Variants in WWP2 observed in about 807,000 individuals in gnomAD.
The protein encoded by WWP2 is NEDD4-like E3 ubiquitin-protein ligase WWP2.
WWP2 carries 57 observed loss-of-function variants against 121.0 expected under a neutral mutation model. The observed-to-expected ratio is 0.47, with a 90% CI of 0.38 to 0.59. The LOEUF (loss-of-function observed/expected upper bound fraction) is 0.59. Ranked by LOEUF, WWP2 falls within the 20% of genes least tolerant of loss-of-function variation. The pLI is 0.00. For synonymous variants in WWP2, 449 were observed against 441.3 expected (o/e 1.02, Z -0.22); for missense variants, 962 against 1,158.9 (o/e 0.83, Z 2.47).
rs116632810 is a variant in WWP2, at chr16:69,857,240, C to T, written c.576-14564C>T. On this transcript the variant is annotated intron_variant, in intron 6 of 23. Coordinates refer to ENST00000359154, the MANE Select transcript of WWP2 (RefSeq NM_001270454.2). ...TGCCTCAGCCTCCCGAGTAGCTGGG[C>T]GCGCTCCACCACGCTCAGCTAGTTT... Among the ~76,000 whole-genome samples the T allele has an allele frequency of 9.4e-3, 1,434 of 151,922 alleles. 19 individuals carry two copies. Among genetic ancestry groups the T allele is most frequent in the African/African-American group, 0.032 (1,342 of 41,440 alleles).
At chr16:69,892,425 T>C (rs2058043219) in intron 8 of WWP2, among the ~76,000 whole-genome samples, 1 of 151,726 alleles carries the variant, frequency 6.6e-6, no homozygotes, top group East Asian at 2.0e-4. Context: ...AATGATTCTC[T>C]TAAACAACTC....
intron 12 of WWP2, 64 bp from the exon 13 acceptor site, chr16:69,930,066 C>A: frequency 6.2e-7 from 1 of 1,606,774 alleles, no homozygotes; most frequent in South Asian, 1.1e-5. Context: ...GAGGACCCAG[C>A]CTCCAACCAC....
intron 4 of WWP2, among the ~76,000 whole-genome samples, chr16:69,819,826 G>A (rs888814168): frequency 6.6e-6 from 1 of 152,028 alleles, no homozygotes; most frequent in Non-Finnish European, 1.5e-5. Context: ...TTTTTCAATC[G>A]CCCCAGTGAG....
At chr16:69,862,756 A>G (rs985089412) in intron 6 of WWP2, among the ~76,000 whole-genome samples, 5 of 102,052 alleles carry the variant, frequency 4.9e-5, no homozygotes, top group African/African-American at 2.1e-4. Flanking sequence ...CTCTTGCTCT[A>G]TTGCCCAGGA....
intron 1 of WWP2, among the ~76,000 whole-genome samples, chr16:69,780,743 C>G (rs1312876297): frequency 6.6e-6 from 1 of 152,120 alleles, no homozygotes; most frequent in African/African-American, 2.4e-5. Context: ...ATGGCTCATG[C>G]CTGTAATCCC....
chr16:69,842,861 G>A (rs2057004433), intron 6 of WWP2, among the ~76,000 whole-genome samples: 1 of 152,030 alleles, frequency 6.6e-6, no homozygotes, highest in African/African-American at 2.4e-5. Context: ...TAGAGATAGG[G>A]TTTTACCATG....
intron 9 of WWP2, among the ~76,000 whole-genome samples, chr16:69,910,651 C>CAAT (rs1479707957): frequency 1.3e-5 from 2 of 152,150 alleles, no homozygotes; most frequent in Non-Finnish European, 2.9e-5. Context: ...CCTTGTGATT[C>CAAT]GCCTGCCTTT....
intron 4 of WWP2, among the ~76,000 whole-genome samples, chr16:69,802,909 A>T (rs765703845): frequency 3.3e-5 from 5 of 152,032 alleles, no homozygotes; most frequent in Non-Finnish European, 5.9e-5. Context: ...CTGGCCCAAG[A>T]TATCTTATTA....
chr16:69,938,109 G>T (rs145460972), intron 21 of WWP2, among the ~76,000 whole-genome samples: 1 of 152,146 alleles, frequency 6.6e-6, no homozygotes, highest in Non-Finnish European at 1.5e-5. Context: ...CTTAGTACAT[G>T]TCTGTGTGCA....
At chr16:69,902,567 C>T (rs1441219304) in intron 8 of WWP2, among the ~76,000 whole-genome samples, 1 of 152,106 alleles carries the variant, frequency 6.6e-6, no homozygotes, top group East Asian at 1.9e-4. Flanking sequence ...AGAGCATCAA[C>T]GGAAGCTATC....
Position 69,939,851 on chromosome 16 carries a change from C to T in WWP2, c.2524C>T (p.Leu842=), listed in dbSNP as rs1336734238. The T allele has an allele frequency of 1.2e-6, 2 of 1,613,850 alleles. No individual in the cohort carries two copies. Among genetic ancestry groups the T allele is most frequent in the Non-Finnish European group, 1.7e-6 (2 of 1,179,880 alleles). Residue 842 remains leucine (L), a synonymous_variant, in exon 24 of 24, where the codon CTG becomes TTG. Coordinates refer to ENST00000359154, the MANE Select transcript of WWP2 (RefSeq NM_001270454.2). ...LPRSHTCFNR[L]DLPPYKSYEQ... ...CCCCACTCTCAATAGCTTCAACCGT[C>T]TGGATCTTCCACCCTACAAGAGCTA...
At chr16:69,840,390 G>GCTA in intron 5 of WWP2, 127 bp downstream of exon 5, 1 of 1,302,662 alleles carries the variant, frequency 7.7e-7, no homozygotes, top group Non-Finnish European at 1.1e-6. Flanking sequence ...CTGGCCCATA[G>GCTA]CTAGCCCGGA....
chr16:69,931,897 T>A lies in WWP2; in HGVS notation c.1682+7T>A. 1 of 1,611,844 alleles carries A rather than the reference T, an allele frequency of 6.2e-7. No individual in the cohort carries two copies. The highest frequency in any genetic ancestry group is 8.5e-7 in the Non-Finnish European group (1 of 1,179,316). Reference sequence around the variant, plus strand: ...ACTATGGGGGCATCGCCAGGTGAGCTTGAGTGCCCCGGAAGGCTGCCCTGT... The same window carrying A: ...ACTATGGGGGCATCGCCAGGTGAGCATGAGTGCCCCGGAAGGCTGCCCTGT... On this transcript the variant is annotated splice_region_variant and intron_variant, in intron 16 of 23. Transcript: ENST00000359154.
At chr16:69,857,328 C>T (rs2057335716) in intron 6 of WWP2, among the ~76,000 whole-genome samples, 1 of 152,158 alleles carries the variant, frequency 6.6e-6, no homozygotes, top group African/African-American at 2.4e-5. Flanking sequence ...CTCCTGACCT[C>T]GTGATCCACC....
chr16:69,775,661 G>A (rs2151774173), intron 1 of WWP2, among the ~76,000 whole-genome samples: 1 of 152,230 alleles, frequency 6.6e-6, no homozygotes, highest in Admixed American at 6.5e-5. Flanking sequence ...AGGTTCTGAT[G>A]CTTGCTTTAT....
At chr16:69,864,082 G>A (rs1371630810) in intron 6 of WWP2, among the ~76,000 whole-genome samples, 1 of 152,132 alleles carries the variant, frequency 6.6e-6, no homozygotes, top group Non-Finnish European at 1.5e-5. Flanking sequence ...ACCTAGGAGA[G>A]GCCAGGTGTG....
intron 8 of WWP2, among the ~76,000 whole-genome samples, chr16:69,900,986 G>A (rs765295510): frequency 2.6e-5 from 4 of 152,194 alleles, no homozygotes; most frequent in Non-Finnish European, 5.9e-5. Flanking sequence ...AGATTTAAAG[G>A]CTAGTTCCTT....
chr16:69,925,557 TCTTC>T lies in WWP2; in HGVS notation c.1234+79_1234+82del. ...GTGCTCTGTCCTCTCCTCCCGCGTGTCTTCCTTCCCTGTTCCTGTCCCTCTGTTT... is the reference window on the plus strand; with the variant it reads ...GTGCTCTGTCCTCTCCTCCCGCGTGTCTTCCCTGTTCCTGTCCCTCTGTTT... On this transcript the variant is annotated intron_variant, in intron 11 of 23. Coordinates refer to ENST00000359154, the MANE Select transcript of WWP2 (RefSeq NM_001270454.2). This position sits in a 1 kb window ranked among gnomAD's most constrained non-coding sequence, Gnocchi z 4.0. 6.4e-7 allele frequency: 1 copy of T among 1,565,608 alleles called. No homozygotes were observed. Among genetic ancestry groups the T allele is most frequent in the Admixed American group, 1.8e-5 (1 of 54,528 alleles).
chr16:69,850,749 C>T lies in WWP2; in HGVS notation c.575+8629C>T, dbSNP rs547566057. Among the ~76,000 whole-genome samples, 8 of 152,244 alleles carry T rather than the reference C, an allele frequency of 5.3e-5. No individual in the cohort carries two copies. In the East Asian group the frequency reaches 9.7e-4, roughly 18 times the overall value. On this transcript the variant is annotated intron_variant, in intron 6 of 23. Transcript: ENST00000359154. ...ACATGTAAGATATTAGGGATGATAGCGTAGCAAACTAGGGTTTGCAGGCTG... is the reference window on the plus strand; with the variant it reads ...ACATGTAAGATATTAGGGATGATAGTGTAGCAAACTAGGGTTTGCAGGCTG...
Sources: allele counts gnomAD v4.1 joint callset (sites outside exome capture counted in the v4.1 genomes callset), GRCh38; gene constraint gnomAD v4.1.1; non-coding constraint Gnocchi (gnomAD v3.1); transcripts MANE v1.5; gene names NCBI Gene and HGNC (gene_info 2026-07-23, HGNC 2026-07-21).